Variants in ARHGAP6 observed in about 807,000 individuals in gnomAD.
ARHGAP6 encodes Rho GTPase activating protein 6, also known as rho GTPase-activating protein 6.
In ARHGAP6, 16 loss-of-function variants were observed where a neutral mutation model predicts 55.7. That is an observed-to-expected ratio of 0.29 (90% CI 0.19 to 0.44). ARHGAP6 has a LOEUF of 0.44. ARHGAP6 is among the 20% of genes least tolerant of loss of function. The pLI is 1.00. For missense variants in ARHGAP6, 698 were observed against 808.9 expected (o/e 0.86, Z 1.66); for synonymous variants, 382 against 360.9 (o/e 1.06, Z -0.66).
chrX:11,267,517 C>T (rs1226243933), intron 1 of ARHGAP6, among the ~76,000 whole-genome samples: 1 of 112,147 alleles, frequency 8.9e-6, no homozygotes, highest in Non-Finnish European at 1.9e-5. Flanking sequence ...GAAGACAAAA[C>T]CACAGTTCAG....
At chrX:11,512,042 G>T (rs1230909696) in intron 1 of ARHGAP6, among the ~76,000 whole-genome samples, 2 of 110,979 alleles carry the variant, frequency 1.8e-5, no homozygotes, top group Non-Finnish European at 3.8e-5. Context: ...TAGCCAGGAT[G>T]GTCTTGATCT....
intron 1 of ARHGAP6, among the ~76,000 whole-genome samples, chrX:11,627,582 T>C (rs772543177): frequency 9.0e-6 from 1 of 111,285 alleles, no homozygotes; most frequent in Non-Finnish European, 1.9e-5. Context: ...TCACAATAAA[T>C]TGTCTTTATT....
At chrX:11,558,976 G>A (rs369402174) in intron 1 of ARHGAP6, among the ~76,000 whole-genome samples, 4 of 104,726 alleles carry the variant, frequency 3.8e-5, no homozygotes, top group South Asian at 4.4e-4. Context: ...GGAATTTATC[G>A]GGAACTTTTG....
intron 1 of ARHGAP6, among the ~76,000 whole-genome samples, chrX:11,308,913 C>A (rs5935003): frequency 0.32 from 35,505 of 110,879 alleles, 4,839 homozygotes; most frequent in African/African-American, 0.51. Context: ...TAAAAATATA[C>A]ACGTCTTGGC....
intron 1 of ARHGAP6, among the ~76,000 whole-genome samples, chrX:11,528,020 G>C (rs1227481606): frequency 8.9e-6 from 1 of 112,451 alleles, no homozygotes; most frequent in Non-Finnish European, 1.9e-5. Flanking sequence ...TAATCACAGA[G>C]GTGGTCAAAA....
At chrX:11,585,864 G>A (rs761304115) in intron 1 of ARHGAP6, among the ~76,000 whole-genome samples, 113 of 111,616 alleles carry the variant, frequency 1.0e-3, no homozygotes, top group Non-Finnish European at 1.8e-3. Flanking sequence ...GGCAGAAGGC[G>A]AAGGGTGAAG....
At chrX:11,391,415 T>G (rs1162201005) in intron 1 of ARHGAP6, among the ~76,000 whole-genome samples, 1 of 109,918 alleles carries the variant, frequency 9.1e-6, no homozygotes, top group African/African-American at 3.3e-5. Flanking sequence ...TATACATATG[T>G]AACAAACCTG....
intron 1 of ARHGAP6, among the ~76,000 whole-genome samples, chrX:11,611,009 T>A (rs1177542034): frequency 8.9e-6 from 1 of 112,843 alleles, no homozygotes; most frequent in African/African-American, 3.2e-5. Context: ...AGTACTTCAT[T>A]TTTACTGCCA....
At chrX:11,423,534 C>T (rs1253176855) in intron 1 of ARHGAP6, among the ~76,000 whole-genome samples, 1 of 112,113 alleles carries the variant, frequency 8.9e-6, no homozygotes, top group East Asian at 2.8e-4. Context: ...CCACACCAAA[C>T]AGGAAGTGAC....
intron 1 of ARHGAP6, among the ~76,000 whole-genome samples, chrX:11,657,264 C>T (rs1365955868): frequency 2.0e-5 from 2 of 99,229 alleles, no homozygotes; most frequent in African/African-American, 4.2e-5. Context: ...AAACTGAAGG[C>T]AGGGTGACCA....
At chrX:11,176,323 A>G (rs1387304491) in intron 8 of ARHGAP6, among the ~76,000 whole-genome samples, 1 of 47,229 alleles carries the variant, frequency 2.1e-5, no homozygotes, top group African/African-American at 1.1e-4. Flanking sequence ...ATATATATAT[A>G]TATATATATA....
chrX:11,492,000 C>CAT (rs890318036), intron 1 of ARHGAP6, among the ~76,000 whole-genome samples: 6 of 109,109 alleles, frequency 5.5e-5, no homozygotes, highest in African/African-American at 2.0e-4. Context: ...TTTTTGGCTG[C>CAT]ATTAATGTCT....
intron 1 of ARHGAP6, among the ~76,000 whole-genome samples, chrX:11,566,619 G>A (rs1024872812): frequency 1.8e-5 from 2 of 111,927 alleles, no homozygotes; most frequent in African/African-American, 3.3e-5. Context: ...TTGTTTAGGG[G>A]GTTTGTGAGC....
chrX:11,495,962 G>A (rs1264733314), intron 1 of ARHGAP6, among the ~76,000 whole-genome samples: 1 of 112,276 alleles, frequency 8.9e-6, no homozygotes, highest in African/African-American at 3.2e-5. Flanking sequence ...CAATGAGAAG[G>A]TGAGGCCCTT....
intron 8 of ARHGAP6, among the ~76,000 whole-genome samples, chrX:11,177,379 G>T (rs2406994): frequency 5.4e-5 from 5 of 93,407 alleles, no homozygotes; most frequent in Admixed American, 3.6e-4. Flanking sequence ...GCGGGGGGGG[G>T]GCACACTGGG....
chrX:11,267,939 A>G (rs1161784373), intron 1 of ARHGAP6, among the ~76,000 whole-genome samples: 2 of 112,524 alleles, frequency 1.8e-5, no homozygotes, highest in South Asian at 3.7e-4. Flanking sequence ...GAGCCTTGGA[A>G]ATAAATATCA....
chrX:11,267,913 C>T (rs770645446), intron 1 of ARHGAP6, among the ~76,000 whole-genome samples: 14 of 111,917 alleles, frequency 1.3e-4, no homozygotes, highest in African/African-American at 4.2e-4. Flanking sequence ...AATAAGAGAC[C>T]AAAGAGTCAC....
rs543941853 is a variant in ARHGAP6, at chrX:11,402,014, A to G, written c.589-147307T>C. Among the ~76,000 whole-genome samples the G allele has an allele frequency of 4.3e-4, 48 of 111,953 alleles. No homozygotes were observed. The South Asian group carries it at 0.017, about 39-fold the overall frequency. On this transcript the variant is annotated intron_variant, in intron 1 of 12. Transcript: ENST00000337414. ...ATCACTGTCCAATAACTTTATGTAC[A>G]TCATTCTGCTTAATTCTGACTCCAT...
chrX:11,470,617 G>T (rs1281050592), intron 1 of ARHGAP6, among the ~76,000 whole-genome samples: 1 of 112,969 alleles, frequency 8.9e-6, no homozygotes, highest in East Asian at 2.8e-4. Context: ...AAGCTGCAAA[G>T]CTTGTGACTT....
Sources: allele counts gnomAD v4.1 joint callset (sites outside exome capture counted in the v4.1 genomes callset), GRCh38; gene constraint gnomAD v4.1.1; transcripts MANE v1.5; gene names NCBI Gene and HGNC (gene_info 2026-07-23, HGNC 2026-07-21).